UGT1A10: variants seen among roughly 807,000 people sequenced by gnomAD.
UGT1A10 encodes the protein UDP glucuronosyltransferase family 1 member A10.
Under a neutral mutation model 45.8 loss-of-function variants are expected in UGT1A10, and 49 were observed. The observed-to-expected ratio is 1.07, with a 90% CI of 0.85 to 1.36. The LOEUF is 1.36. Ranked by LOEUF, UGT1A10 falls within the 40% of genes most tolerant of loss-of-function variation. The probability of loss-of-function intolerance (pLI) is 0.00; values close to 1 mark genes in which losing one functional copy is unlikely to be tolerated. For synonymous variants in UGT1A10, 284 were observed against 249.7 expected (o/e 1.14, Z -1.29); for missense variants, 745 against 668.6 (o/e 1.11, Z -1.26).
chr2:233,708,242 T>G (rs2076009398), intron 1 of UGT1A10, among the ~76,000 whole-genome samples: 1 of 152,244 alleles, frequency 6.6e-6, no homozygotes, highest in Admixed American at 6.5e-5. Flanking sequence ...AATGTATAAG[T>G]GTACACTTTC....
chr2:233,772,141 A>C, intron 4 of UGT1A10, 121 bp from the exon 5 acceptor site: 1 of 1,549,926 alleles, frequency 6.5e-7, no homozygotes, highest in Non-Finnish European at 8.7e-7. Context: ...CAATAATAGA[A>C]ACAGGTTTCC....
At position 233,636,498 on chromosome 2, in the gene UGT1A10, T is replaced by C. The variant is rs768818871; in HGVS notation, c.-25T>C. On this transcript the variant is annotated 5_prime_UTR_variant, in exon 1 of 5. Transcript: ENST00000344644. ...TATCATAGCAGCTTAGAATCCCAGC[T>C]GCTGGCTCGGGCTGCAGTTCTCTCA... 1 of 1,599,320 alleles carries C rather than the reference T, an allele frequency of 6.3e-7. No homozygotes were observed. The highest frequency in any genetic ancestry group is 2.2e-5 in the East Asian group (1 of 44,746).
intron 1 of UGT1A10, among the ~76,000 whole-genome samples, chr2:233,670,251 G>A (rs1307037239): frequency 6.6e-6 from 1 of 152,234 alleles, no homozygotes; most frequent in Non-Finnish European, 1.5e-5. Flanking sequence ...GGCTGAGAAG[G>A]AGGAAGAGGT....
chr2:233,728,632 C>G (rs1273558536), intron 1 of UGT1A10, among the ~76,000 whole-genome samples: 1 of 152,160 alleles, frequency 6.6e-6, no homozygotes, highest in Non-Finnish European at 1.5e-5. Context: ...GCTGGCTTAG[C>G]AATGTTGTAT....
rs763737345 is a variant in UGT1A10 at position 233,682,117 on chromosome 2, A to G, written c.855+44740A>G. On this transcript the variant is annotated intron_variant, in intron 1 of 4. Coordinates refer to ENST00000344644, the MANE Select transcript of UGT1A10 (RefSeq NM_019075.4). ...GGCATGAGGTGGTCGTAGTCATGCC[A>G]GAGGTGAGTTGGCAACTGGGAAGAT... 4.3e-6 allele frequency: 7 copies of G among 1,614,090 alleles called. No individual in the cohort carries two copies. The African/African-American group carries it at 8.0e-5, about 18-fold the overall frequency.
intron 1 of UGT1A10, among the ~76,000 whole-genome samples, chr2:233,640,086 C>T (rs1480435666): frequency 6.6e-6 from 1 of 152,122 alleles, no homozygotes; most frequent in Admixed American, 6.5e-5. Flanking sequence ...TGTGCTTTCC[C>T]CATTGCTCTA....
chr2:233,738,062 G>A lies in UGT1A10; in HGVS notation c.856-28972G>A, dbSNP rs1045762384. ...GTGTTGAGGACAGGACATGGTGGGA[G>A]GTCCCCACCTCCTAATCTCATCATA... On this transcript the variant is annotated intron_variant, in intron 1 of 4. Coordinates refer to ENST00000344644, the MANE Select transcript of UGT1A10 (RefSeq NM_019075.4). 4.6e-5 allele frequency among the ~76,000 whole-genome samples: 7 copies of A among 152,180 alleles called. 1 individual carries two copies. The highest frequency in any genetic ancestry group is 4.2e-4 in the South Asian group (2 of 4,808).
chr2:233,710,910 C>A (rs1487105945), intron 1 of UGT1A10, among the ~76,000 whole-genome samples: 2 of 152,188 alleles, frequency 1.3e-5, no homozygotes, highest in African/African-American at 4.8e-5. Flanking sequence ...GGAAAGAGGT[C>A]TTTAGACCAC....
chr2:233,726,853 CAT>C (rs1443656538), intron 1 of UGT1A10, among the ~76,000 whole-genome samples: 1 of 152,180 alleles, frequency 6.6e-6, no homozygotes, highest in Non-Finnish European at 1.5e-5. Context: ...TCCTTTTCTC[CAT>C]AGTCTTCTAT....
At chr2:233,767,784 A>T in intron 2 of UGT1A10, 65 bp from the exon 3 acceptor site, 1 of 1,613,694 alleles carries the variant, frequency 6.2e-7, no homozygotes. Context: ...TAGTTAGTAT[A>T]GCAGATTTGT....
intron 1 of UGT1A10, among the ~76,000 whole-genome samples, chr2:233,652,620 G>T (rs1246055365): frequency 6.6e-6 from 1 of 152,086 alleles, no homozygotes; most frequent in Non-Finnish European, 1.5e-5. Flanking sequence ...AAAATGTCTT[G>T]TACATGCAGA....
Position 233,636,793 on chromosome 2 carries a change from A to G in UGT1A10, c.271A>G (p.Met91Val), listed in dbSNP as rs2073303101. 6.2e-7 allele frequency: 1 copy of G among 1,614,198 alleles called. No homozygotes were observed. Among genetic ancestry groups the G allele is most frequent in the Non-Finnish European group, 8.5e-7 (1 of 1,180,028 alleles). ...YTLEDQNREFMVFAHAQWKAQ... is the reference protein window; with the variant it reads ...YTLEDQNREFVVFAHAQWKAQ... The stretch of plus-strand genomic sequence containing the variant: ...TCTGGAAGATCAGAACCGGGAATTC[A>G]TGGTTTTCGCCCATGCTCAATGGAA... Residue 91 changes from methionine (M) to valine (V), a missense_variant, in exon 1 of 5, where the codon ATG becomes GTG. Physicochemically the swap from Met to Val is conservative, Grantham distance 21. Transcript: ENST00000344644.
At chr2:233,747,631 A>C in intron 1 of UGT1A10, 1 of 1,579,028 alleles carries the variant, frequency 6.3e-7, no homozygotes, top group Non-Finnish European at 8.7e-7. Context: ...CTGATCAGGC[A>C]CCTGAATGCT....
At chr2:233,714,301 A>G (rs45600634) in intron 1 of UGT1A10, among the ~76,000 whole-genome samples, 30 of 152,200 alleles carry the variant, frequency 2.0e-4, no homozygotes, top group African/African-American at 6.8e-4. Flanking sequence ...CCATCTTGCA[A>G]AAGATAGAGA....
chr2:233,771,498 A>G (rs1006234323), intron 4 of UGT1A10: 3 of 152,314 alleles, frequency 2.0e-5, no homozygotes, highest in Non-Finnish European at 4.4e-5. Flanking sequence ...TAATGTTTCA[A>G]TGACTGAATT....
At position 233,767,929 on chromosome 2, in the gene UGT1A10, T is replaced by A; in HGVS notation, c.1068T>A (p.Asp356Glu). 1 of 1,614,196 alleles carries A rather than the reference T, an allele frequency of 6.2e-7. No individual in the cohort carries two copies. Among genetic ancestry groups the A allele is most frequent in the South Asian group, 1.1e-5 (1 of 91,080 alleles). The change falls in exon 3 of 5, where the codon GAT becomes GAA. Residue 356 changes from aspartate to glutamate, a missense_variant. By Grantham distance (45) the Asp-to-Glu change is conservative. Coordinates refer to ENST00000344644, the MANE Select transcript of UGT1A10 (RefSeq NM_019075.4). ...TTGTTAAGTGGCTACCCCAAAACGA[T>A]CTGCTTGGTATGTTGGGCGGATTGG... ...TILVKWLPQN[D>E]LLGHPMTRAF...
chr2:233,726,757 A>G (rs544235681), intron 1 of UGT1A10, among the ~76,000 whole-genome samples: 1 of 152,352 alleles, frequency 6.6e-6, no homozygotes, highest in African/African-American at 2.4e-5. Flanking sequence ...TCTGCCTACC[A>G]CAGACACTAA....
chr2:233,722,177 A>G (rs1303891517), intron 1 of UGT1A10: 1 of 157,672 alleles, frequency 6.3e-6, no homozygotes, highest in East Asian at 1.9e-4. Context: ...GACCTTTGCC[A>G]TGTTCGTGCC....
At chr2:233,747,988 G>A (rs1693831821) in intron 1 of UGT1A10, 3 of 1,613,354 alleles carry the variant, frequency 1.9e-6, no homozygotes, top group Non-Finnish European at 2.5e-6. Context: ...CTGTTCCGAG[G>A]GGACTTTGTG....
Sources: allele counts gnomAD v4.1 joint callset (sites outside exome capture counted in the v4.1 genomes callset), GRCh38; gene constraint gnomAD v4.1.1; transcripts MANE v1.5; gene names NCBI Gene and HGNC (gene_info 2026-07-23, HGNC 2026-07-21).